BPHL: variants seen among roughly 807,000 people sequenced by gnomAD.
BPHL encodes serine hydrolase BPHL.
A neutral mutation model predicts 31.2 loss-of-function variants in BPHL; 27 were observed. The observed-to-expected ratio is 0.87, with a 90% CI of 0.64 to 1.19. The LOEUF is 1.19. Among genes scored for constraint, BPHL ranks in the 50% most tolerant of loss-of-function variants. The pLI, the probability that BPHL is intolerant of heterozygous loss-of-function variation, is 0.00. For missense variants in BPHL, 356 were observed against 375.7 expected (o/e 0.95, Z 0.43); for synonymous variants, 150 against 146.8 (o/e 1.02, Z -0.16).
rs931021167 is a variant in BPHL at position 3,149,661 on chromosome 6, C to G, written c.789-2827C>G. Among the ~76,000 whole-genome samples, 3 of 152,174 alleles carry G rather than the reference C, an allele frequency of 2.0e-5. No individual in the cohort carries two copies. The highest frequency in any genetic ancestry group is 3.9e-4 in the East Asian group (2 of 5,188). On this transcript the variant is annotated intron_variant, in intron 6 of 6. Coordinates refer to ENST00000380379, the MANE Select transcript of BPHL (RefSeq NM_004332.4). The surrounding 1 kb of genome is among the most constrained non-coding windows in gnomAD (Gnocchi z 4.6). ...TTGTTTGTTTGTTGTGAGATAGAGC[C>G]TTGCTCTATTGCCCGGGCTGGAGTG...
chr6:3,122,475 C>T (rs999086936), intron 1 of BPHL, among the ~76,000 whole-genome samples: 1 of 152,110 alleles, frequency 6.6e-6, no homozygotes, highest in African/African-American at 2.4e-5. Context: ...GTGCAGGGGC[C>T]GTCTGTGTGC....
rs112175280 is a variant in BPHL at position 3,152,854 on chromosome 6, C to T, written c.*279C>T. The T allele has an allele frequency of 5.2e-5, 13 of 251,022 alleles. No individual in the cohort carries two copies. The highest frequency in any genetic ancestry group is 2.0e-4 in the African/African-American group (9 of 44,428). 15.5% of individuals were successfully genotyped at this position (251,022 alleles called of 1,614,324 possible). ...CCAGCTTGTGCAATATAGGGAGACT[C>T]CGGCTCTACAAAAAAGAGTTTTTCA... is the stretch of plus-strand genomic sequence containing the variant. On this transcript the variant is annotated 3_prime_UTR_variant, in exon 7 of 7. Coordinates refer to ENST00000380379, the MANE Select transcript of BPHL (RefSeq NM_004332.4).
intron 4 of BPHL, among the ~76,000 whole-genome samples, chr6:3,136,468 TG>T (rs562013476): frequency 1.3e-5 from 2 of 152,302 alleles, no homozygotes; most frequent in African/African-American, 4.8e-5. Flanking sequence ...TGTCCTGTAA[TG>T]GGGGATCCGC....
intron 5 of BPHL, 27 bp downstream of exon 5, chr6:3,137,520 C>T: frequency 6.2e-7 from 1 of 1,613,266 alleles, no homozygotes; most frequent in Non-Finnish European, 8.5e-7. Flanking sequence ...GAAGGGCTCT[C>T]TGCCTGTTAT....
rs1184772698 is a variant in BPHL at position 3,152,789 on chromosome 6, G to C, written c.*214G>C. 1 of 412,750 alleles carries C rather than the reference G, an allele frequency of 2.4e-6. No individual in the cohort carries two copies. The highest frequency in any genetic ancestry group is 4.3e-6 in the Non-Finnish European group (1 of 232,080). 25.6% of individuals were successfully genotyped at this position (412,750 alleles called of 1,614,324 possible). ...CAGCTATAATCTCAGCACTTTGGGA[G>C]GCTGAGGTGGGAGAATTGCCTGAGC... On this transcript the variant is annotated 3_prime_UTR_variant, in exon 7 of 7. Coordinates refer to ENST00000380379, the MANE Select transcript of BPHL (RefSeq NM_004332.4).
At chr6:3,130,210 G>T (rs1035752232) in intron 4 of BPHL, among the ~76,000 whole-genome samples, 1 of 152,186 alleles carries the variant, frequency 6.6e-6, no homozygotes, top group Non-Finnish European at 1.5e-5. Flanking sequence ...AATCGAGGTG[G>T]CTAGTGCTGT....
At chr6:3,146,431 T>A (rs1486604088) in intron 6 of BPHL, among the ~76,000 whole-genome samples, 1 of 116,260 alleles carries the variant, frequency 8.6e-6, no homozygotes, top group Non-Finnish European at 1.7e-5. Context: ...CTGGTTTGGG[T>A]CGGAGTGCTG....
intron 1 of BPHL, 86 bp from the exon 2 acceptor site, chr6:3,123,571 C>T (rs998437639): frequency 8.6e-7 from 1 of 1,166,086 alleles, no homozygotes; most frequent in Non-Finnish European, 1.3e-6. Context: ...ACACTTATTC[C>T]TCCTGTCTAG....
At chr6:3,142,275 C>G (rs1251230076) in intron 6 of BPHL, among the ~76,000 whole-genome samples, 2 of 151,954 alleles carry the variant, frequency 1.3e-5, no homozygotes, top group Non-Finnish European at 2.9e-5. Context: ...CCCGCCACCA[C>G]GCCCAGCTAA....
rs547454744 is a variant in BPHL, at chr6:3,123,948, T to TA, written c.211+189dup. 4.9e-5 allele frequency: 22 copies of TA among 452,700 alleles called. No individual in the cohort carries two copies. The South Asian group carries it at 6.1e-4, about 12-fold the overall frequency. 28.0% of individuals were successfully genotyped at this position (452,700 alleles called of 1,614,324 possible). A position where few individuals can be genotyped will look rare whatever the true frequency, so the allele number is the denominator to read the frequency against. On this transcript the variant is annotated intron_variant, in intron 2 of 6. Coordinates refer to ENST00000380379, the MANE Select transcript of BPHL (RefSeq NM_004332.4). ...TACTGCTGTTCAGAATTGGATTTTTTATTCCTTTAGTAAAGTACCCAGTTT... is the reference window on the plus strand; with the variant it reads ...TACTGCTGTTCAGAATTGGATTTTTTAATTCCTTTAGTAAAGTACCCAGTTT...
At chr6:3,130,803 G>A (rs1191400185) in intron 4 of BPHL, among the ~76,000 whole-genome samples, 1 of 152,162 alleles carries the variant, frequency 6.6e-6, no homozygotes, top group Non-Finnish European at 1.5e-5. Context: ...TAGTGGCAGC[G>A]TTCTGTTGTA....
chr6:3,127,849 G>T (rs190606961), intron 3 of BPHL, among the ~76,000 whole-genome samples: 1 of 149,528 alleles, frequency 6.7e-6, no homozygotes, highest in African/African-American at 2.5e-5. Flanking sequence ...GAGACAGAGT[G>T]TTGCTCTGTC....
intron 2 of BPHL, among the ~76,000 whole-genome samples, chr6:3,126,601 T>TG (rs1761718119): frequency 1.3e-5 from 2 of 149,912 alleles, no homozygotes; most frequent in Non-Finnish European, 3.0e-5. Context: ...TTTTTTTTTT[T>TG]GGTGGAGGGA....
chr6:3,144,394 T>TTG (rs60111811), intron 6 of BPHL, among the ~76,000 whole-genome samples: 70,688 of 134,848 alleles, frequency 0.52, 18,821 homozygotes, highest in Non-Finnish European at 0.64. Flanking sequence ...TTTTTTTGTT[T>TTG]TTTTTTTTAA....
At chr6:3,137,999 C>T (rs1340551422) in intron 5 of BPHL, 5 of 1,280,500 alleles carry the variant, frequency 3.9e-6, no homozygotes, top group Non-Finnish European at 4.1e-6. Flanking sequence ...ATGACTGTAA[C>T]CATGAACAAT....
chr6:3,151,414 A>G (rs1337509188), intron 6 of BPHL, among the ~76,000 whole-genome samples: 4 of 152,154 alleles, frequency 2.6e-5, no homozygotes, highest in Non-Finnish European at 4.4e-5. Context: ...AAAGGTCCCA[A>G]CAATATGTCT....
At chr6:3,123,812 C>A in intron 2 of BPHL, 52 bp downstream of exon 2, 2 of 1,418,872 alleles carry the variant, frequency 1.4e-6, no homozygotes, top group Non-Finnish European at 2.0e-6. Context: ...ATCTATGATG[C>A]ATTCACAATA....
intron 6 of BPHL, among the ~76,000 whole-genome samples, chr6:3,141,482 C>T (rs1254719638): frequency 1.3e-5 from 2 of 152,192 alleles, no homozygotes; most frequent in African/African-American, 4.8e-5. Context: ...ATTCTCCCAC[C>T]TCAGTCTCCC....
chr6:3,118,459 G>T (rs1000037533), upstream of BPHL: 5 of 305,626 alleles, frequency 1.6e-5, no homozygotes, highest in Non-Finnish European at 3.0e-5. Flanking sequence ...GCGGGGCAGC[G>T]CCGACGGGGA....
Sources: gnomAD v4.1 joint callset for allele counts (sites outside exome capture counted in the v4.1 genomes callset) on GRCh38, gnomAD v4.1.1 for gene constraint, Gnocchi (gnomAD v3.1) non-coding constraint, MANE v1.5 for transcripts, NCBI Gene and HGNC (gene_info 2026-07-23, HGNC 2026-07-21) for gene names.